Variants in B4GALNT3 observed in about 807,000 individuals in gnomAD.
B4GALNT3 encodes the protein beta-1,4-N-acetyl-galactosaminyltransferase 3, also known as beta-1,4-N-acetylgalactosaminyltransferase 3.
Under a neutral mutation model 120.2 loss-of-function variants are expected in B4GALNT3, and 86 were observed. The ratio of observed to expected loss-of-function variants is 0.72; its 90% confidence interval spans 0.60 to 0.86. B4GALNT3 has a LOEUF of 0.86. Ranked by LOEUF, B4GALNT3 falls within the 40% of genes least tolerant of loss-of-function variation. B4GALNT3 has a pLI of 0.00. For synonymous variants in B4GALNT3, 518 were observed against 510.4 expected, an observed-to-expected ratio of 1.01 and a Z score of -0.20; for missense variants, 1,167 against 1,298.9, an observed-to-expected ratio of 0.90 and a Z score of 1.56.
intron 19 of B4GALNT3, among the ~76,000 whole-genome samples, chr12:560,884 G>T (rs561251574): frequency 5.3e-5 from 8 of 152,326 alleles, no homozygotes; most frequent in African/African-American, 1.4e-4. Flanking sequence ...GGAGGGCCTA[G>T]GCGCCAGGTG....
At chr12:522,940 TTAAAAAAAAA>T (rs1946725348) in intron 1 of B4GALNT3, among the ~76,000 whole-genome samples, 1 of 77,088 alleles carries the variant, frequency 1.3e-5, no homozygotes, top group Non-Finnish European at 2.8e-5. Context: ...GAGACTCTGT[TTAAAAAAAAA>T]AAAAAAAAAA....
In B4GALNT3 at chr12:492,493, A is replaced by G. The variant is rs563040400; in HGVS notation, c.169+31948A>G. On this transcript the variant is annotated intron_variant, in intron 1 of 19. Coordinates refer to ENST00000266383, the MANE Select transcript of B4GALNT3 (RefSeq NM_173593.4). Reference sequence around the variant, plus strand: ...AACTAATTAAGTAAAGAGATATTCTATGTTCATGAACAGGAAGAATCGATA... The same window carrying G: ...AACTAATTAAGTAAAGAGATATTCTGTGTTCATGAACAGGAAGAATCGATA... 1.4e-4 allele frequency among the ~76,000 whole-genome samples: 21 copies of G among 152,350 alleles called. No homozygotes were observed. The South Asian group carries it at 2.9e-3, about 21-fold the overall frequency.
At chr12:480,295 G>A (rs1181181039) in intron 1 of B4GALNT3, among the ~76,000 whole-genome samples, 2 of 152,206 alleles carry the variant, frequency 1.3e-5, no homozygotes, top group Non-Finnish European at 2.9e-5. Flanking sequence ...TATGGTTAGG[G>A]TAAGAATACT....
intron 1 of B4GALNT3, among the ~76,000 whole-genome samples, chr12:467,957 AG>A (rs545984883): frequency 2.6e-4 from 39 of 152,314 alleles, no homozygotes; most frequent in African/African-American, 9.1e-4. Flanking sequence ...AGGAAGCTTT[AG>A]GGTTCAGTTT....
At chr12:478,644 C>G (rs187871080) in intron 1 of B4GALNT3, among the ~76,000 whole-genome samples, 5 of 152,264 alleles carry the variant, frequency 3.3e-5, no homozygotes, top group Admixed American at 3.3e-4. Flanking sequence ...AAAAAAAATC[C>G]TTAAGAAAGG....
intron 3 of B4GALNT3, among the ~76,000 whole-genome samples, chr12:541,932 C>T (rs1238603420): frequency 6.6e-6 from 1 of 151,128 alleles, no homozygotes; most frequent in Admixed American, 6.6e-5. Flanking sequence ...CCACTGCCCT[C>T]CCTCCTGGGA....
chr12:532,853 G>T (rs925310289), intron 1 of B4GALNT3, among the ~76,000 whole-genome samples: 1 of 151,732 alleles, frequency 6.6e-6, no homozygotes, highest in African/African-American at 2.4e-5. Flanking sequence ...CTAGTTCATT[G>T]TGAGGGTTAG....
chr12:510,648 C>T lies in B4GALNT3; in HGVS notation c.170-24518C>T, dbSNP rs186081456. ...GGGGGTTGGGTATGAGAGGGAGGGG[C>T]GGGGCAAACCCTGCAGAGCTGCTTT... On this transcript the variant is annotated intron_variant, in intron 1 of 19. Coordinates refer to ENST00000266383, the MANE Select transcript of B4GALNT3 (RefSeq NM_173593.4). 1.2e-3 allele frequency among the ~76,000 whole-genome samples: 152 copies of T among 125,982 alleles called. 1 individual carries two copies. The highest frequency in any genetic ancestry group is 6.3e-3 in the Admixed American group (67 of 10,680). The allele number at this position is 125,982 out of a possible 152,430, so 82.6% of individuals were successfully genotyped here. A position where few individuals can be genotyped will look rare whatever the true frequency, so the allele number is the denominator to read the frequency against.
At chr12:511,462 C>CCTTCCCCCTT (rs1946557989) in intron 1 of B4GALNT3, among the ~76,000 whole-genome samples, 1 of 97,146 alleles carries the variant, frequency 1.0e-5, no homozygotes, top group Non-Finnish European at 2.1e-5. Context: ...CCTTCTTCCA[C>CCTTCCCCCTT]CTTCCACCTT....
At position 493,747 on chromosome 12, in the gene B4GALNT3, T is replaced by C. The variant is rs981042187; in HGVS notation, c.169+33202T>C. On this transcript the variant is annotated intron_variant, in intron 1 of 19. Coordinates refer to ENST00000266383, the MANE Select transcript of B4GALNT3 (RefSeq NM_173593.4). ...TTTTTATGTTGCCTCAGACACAGTT[T>C]TTATTTCATTAAAACATGAATTGTG... 1.2e-4 allele frequency among the ~76,000 whole-genome samples: 18 copies of C among 152,334 alleles called. 1 individual carries two copies. The highest frequency in any genetic ancestry group is 4.3e-4 in the African/African-American group (18 of 41,586).
intron 1 of B4GALNT3, among the ~76,000 whole-genome samples, chr12:461,119 G>A (rs1946018694): frequency 6.6e-6 from 1 of 151,932 alleles, no homozygotes; most frequent in African/African-American, 2.4e-5. Flanking sequence ...CCCATACGTC[G>A]CTCCTCTCCC....
chr12:526,128 C>T (rs771698638), intron 1 of B4GALNT3, among the ~76,000 whole-genome samples: 8 of 152,156 alleles, frequency 5.3e-5, no homozygotes, highest in Non-Finnish European at 7.3e-5. Context: ...CATGGATGTC[C>T]GTCCTAACTG....
chr12:552,535 A>T lies in B4GALNT3; in HGVS notation c.1270+7A>T, dbSNP rs977012630. ...CAGGGGCTGGAGCAGCCAGGTACAG[A>T]GTGACAGCTGAGGCTTCCAGGTCAG... On this transcript the variant is annotated splice_region_variant and intron_variant, in intron 13 of 19. Coordinates refer to ENST00000266383, the MANE Select transcript of B4GALNT3 (RefSeq NM_173593.4). 1 of 1,613,236 alleles carries T rather than the reference A, an allele frequency of 6.2e-7. No individual in the cohort carries two copies. Among genetic ancestry groups the T allele is most frequent in the Non-Finnish European group, 8.5e-7 (1 of 1,179,670 alleles).
In B4GALNT3 at chr12:460,224, G is replaced by A; in HGVS notation, c.-153G>A. 1.9e-6 allele frequency: 1 copy of A among 533,880 alleles called. No individual in the cohort carries two copies. Among genetic ancestry groups the A allele is most frequent in the Non-Finnish European group, 2.4e-6 (1 of 418,298 alleles). 33.1% of individuals were successfully genotyped at this position (533,880 alleles called of 1,614,324 possible). On this transcript the variant is annotated 5_prime_UTR_variant, in exon 1 of 20. Transcript: ENST00000266383. This position sits in a 1 kb window ranked among gnomAD's most constrained non-coding sequence, Gnocchi z 8.0. Reference sequence around the variant, plus strand: ...CCTCGCGCCCGGAGCATGAGCCCGAGCCCCGCCGGAGAGCGGCCGGGAGAG... The same window carrying A: ...CCTCGCGCCCGGAGCATGAGCCCGAACCCCGCCGGAGAGCGGCCGGGAGAG...
chr12:553,873 TG>T lies in B4GALNT3; in HGVS notation c.1951del (p.Asp651ThrfsTer5). ...ATCTCGACTTCCAAGCCCTGAGGAC[TG>T]ACTGGATCGATCTGAGCTGTAACAC... is the stretch of plus-strand genomic sequence containing the variant. ...RNLDFQALRT[D>X]WIDLSCNTSG... On this transcript the variant is annotated frameshift_variant, in exon 14 of 20. Transcript: ENST00000266383. LOFTEE classifies it high-confidence loss of function. 6.2e-7 allele frequency: 1 copy of T among 1,614,216 alleles called. No homozygotes were observed. The highest frequency in any genetic ancestry group is 1.1e-5 in the South Asian group (1 of 91,086).
chr12:520,567 T>TC (rs1167931296), intron 1 of B4GALNT3, among the ~76,000 whole-genome samples: 1 of 145,642 alleles, frequency 6.9e-6, no homozygotes, highest in African/African-American at 2.5e-5. Context: ...AGTAGTTTAA[T>TC]TGGCCATCAT....
chr12:475,706 A>AT (rs1380488839), intron 1 of B4GALNT3, among the ~76,000 whole-genome samples: 1 of 152,120 alleles, frequency 6.6e-6, no homozygotes, highest in African/African-American at 2.4e-5. Flanking sequence ...TCTTTCTGGA[A>AT]CTTGTGTTGC....
At position 558,035 on chromosome 12, in the gene B4GALNT3, A is replaced by C. The variant is rs757143845; in HGVS notation, c.2554A>C (p.Ser852Arg). The C allele has an allele frequency of 6.2e-7, 1 of 1,613,994 alleles. No individual in the cohort carries two copies. Among genetic ancestry groups the C allele is most frequent in the South Asian group, 1.1e-5 (1 of 91,080 alleles). ...KLRSYQYVKL[S>R]GNFERSAGLQ... ...CTGCAGCTACCAGTACGTGAAGCTA[A>C]GTGGAAACTTTGAACGCTCAGCTGG... Residue 852 changes from serine (S) to arginine (R), a missense_variant, in exon 17 of 20, where the codon AGT (serine) becomes CGT (arginine). By Grantham distance (110) the Ser-to-Arg change is moderately radical. Around this residue, in one of 3 missense-constraint regions of B4GALNT3, gnomAD observed 983 missense variants for 1,102.5 expected, o/e 0.89. Transcript: ENST00000266383.
intron 1 of B4GALNT3, among the ~76,000 whole-genome samples, chr12:463,542 T>C (rs935365578): frequency 3.9e-5 from 6 of 152,250 alleles, no homozygotes; most frequent in African/African-American, 7.2e-5. Flanking sequence ...GTTTCTAGCA[T>C]CTACAGCTTC....
Sources: gnomAD v4.1 joint callset for allele counts (sites outside exome capture counted in the v4.1 genomes callset) on GRCh38, gnomAD v4.1.1 for gene constraint, gnomAD v4.1.1 regional missense constraint, Gnocchi (gnomAD v3.1) non-coding constraint, MANE v1.5 for transcripts, NCBI Gene and HGNC (gene_info 2026-07-23, HGNC 2026-07-21) for gene names.